Variants in ORC5 observed in about 807,000 individuals in gnomAD.
ORC5 encodes the protein protein phosphatase 1, regulatory subunit 117.
A neutral mutation model predicts 58.8 loss-of-function variants in ORC5; 39 were observed. The ratio of observed to expected loss-of-function variants is 0.66; its 90% CI spans 0.51 to 0.87. The LOEUF is 0.87. Among genes scored for constraint, ORC5 ranks in the 40% least tolerant of loss-of-function variants. ORC5 has a pLI of 0.00. For synonymous variants in ORC5, 218 were observed against 177.6 expected (o/e 1.23, Z -1.81); for missense variants, 493 against 506.3 (o/e 0.97, Z 0.25).
chr7:104,149,709 T>C (rs145282488), intron 12 of ORC5, among the ~76,000 whole-genome samples: 7 of 152,178 alleles, frequency 4.6e-5, no homozygotes, highest in African/African-American at 1.4e-4. Flanking sequence ...TCAAAGAGAA[T>C]AGTACTTCCC....
At chr7:104,184,231 T>C (rs17326187) in intron 6 of ORC5, 60 bp from the exon 7 acceptor site, 184,619 of 1,091,536 alleles carry the variant, frequency 0.17, 17,144 homozygotes, top group South Asian at 0.2. Flanking sequence ...AATTAGAAAT[T>C]TATTTTTCAA....
At chr7:104,205,443 T>C (rs1182109505) in intron 1 of ORC5, among the ~76,000 whole-genome samples, 1 of 152,116 alleles carries the variant, frequency 6.6e-6, no homozygotes, top group African/African-American at 2.4e-5. Context: ...ATTATGCAAT[T>C]TCTATCAGAA....
In ORC5 at chr7:104,197,803, T is replaced by C; in HGVS notation, c.367-4A>G. The C allele has an allele frequency of 6.5e-7, 1 of 1,538,854 alleles. No individual in the cohort carries two copies. Among genetic ancestry groups the C allele is most frequent in the Admixed American group, 2.1e-5 (1 of 47,496 alleles). ...GATACTCTGCTTTATCTAGAACCTTTAAAAAACAAAAAAACAAAACAAAAA... is the reference window on the plus strand; with the variant it reads ...GATACTCTGCTTTATCTAGAACCTTCAAAAAACAAAAAAACAAAACAAAAA... On this transcript the variant is annotated splice_polypyrimidine_tract_variant and splice_region_variant and intron_variant, in intron 3 of 13. Coordinates refer to ENST00000297431, the MANE Select transcript of ORC5 (RefSeq NM_002553.4).
chr7:104,200,705 T>A (rs1047467653), intron 3 of ORC5, 53 bp downstream of exon 3: 9 of 1,124,732 alleles, frequency 8.0e-6, no homozygotes, highest in South Asian at 5.5e-5. Flanking sequence ...ATTGATCTAA[T>A]AAATTATCAG....
intron 8 of ORC5, among the ~76,000 whole-genome samples, chr7:104,175,419 A>C (rs904075417): frequency 1.3e-5 from 2 of 152,178 alleles, no homozygotes; most frequent in Non-Finnish European, 2.9e-5. Flanking sequence ...TCCAGCCAAG[A>C]TAGAAACAAA....
intron 11 of ORC5, among the ~76,000 whole-genome samples, chr7:104,162,302 A>G (rs1273294102): frequency 4.6e-5 from 7 of 152,208 alleles, no homozygotes. Flanking sequence ...CCACCCAAGT[A>G]GCTGGGATTA....
rs1799923129 is a variant in ORC5 at position 104,200,839 on chromosome 7, G to A, written c.285C>T (p.Thr95=). 1 of 1,612,894 alleles carries A rather than the reference G, an allele frequency of 6.2e-7. No homozygotes were observed. The highest frequency in any genetic ancestry group is 8.5e-7 in the Non-Finnish European group (1 of 1,178,954). ...GAACAAAGTCATTAAATGTTTCACA[G>A]GTTATTTCAGTAGAACATCCATCCT... The part of the protein sequence containing the change: ...SSEDGCSTEI[T]CETFNDFVRL... Residue 95 remains threonine (T), a synonymous_variant, in exon 3 of 14, where the codon ACC becomes ACT. Transcript: ENST00000297431.
At position 104,200,889 on chromosome 7, in the gene ORC5, T is replaced by C; in HGVS notation, c.235A>G (p.Lys79Glu). The C allele has an allele frequency of 6.2e-7, 1 of 1,613,780 alleles. No individual in the cohort carries two copies. The highest frequency in any genetic ancestry group is 8.5e-7 in the Non-Finnish European group (1 of 1,179,694). The change falls in exon 3 of 14, where the codon AAA becomes GAA. Residue 79 changes from lysine to glutamate, a missense_variant. Physicochemically the swap from Lys to Glu is moderately conservative, Grantham distance 56. Transcript: ENST00000297431. ...LRLLLEQILN[K>E]LNHLSSSEDG... ...TCTGAAGAACTAAGATGATTCAATT[T>C]GTTTAAAATTTGTTCCAAAAGCAGC...
chr7:104,142,923 AAT>A (rs1798695465), intron 12 of ORC5, among the ~76,000 whole-genome samples: 1 of 152,168 alleles, frequency 6.6e-6, no homozygotes, highest in African/African-American at 2.4e-5. Flanking sequence ...AGACAAATTC[AAT>A]AGCCTTCCCA....
chr7:104,142,863 G>C (rs1431537194), intron 12 of ORC5, among the ~76,000 whole-genome samples: 2 of 152,158 alleles, frequency 1.3e-5, no homozygotes, highest in African/African-American at 2.4e-5. Context: ...GGACAGCCAA[G>C]GGATCCAGGA....
chr7:104,151,056 A>C (rs899093783), intron 12 of ORC5, among the ~76,000 whole-genome samples: 2 of 152,134 alleles, frequency 1.3e-5, no homozygotes, highest in African/African-American at 2.4e-5. Flanking sequence ...AAAACATTTA[A>C]AATTAGTGTG....
intron 5 of ORC5, among the ~76,000 whole-genome samples, chr7:104,192,738 C>T (rs1310209312): frequency 6.6e-6 from 1 of 151,212 alleles, no homozygotes; most frequent in Non-Finnish European, 1.5e-5. Flanking sequence ...AATTAGTACA[C>T]AAGAAAATTA....
At chr7:104,130,872 C>T (rs1251890570) in intron 13 of ORC5, among the ~76,000 whole-genome samples, 3 of 152,174 alleles carry the variant, frequency 2.0e-5, no homozygotes, top group Admixed American at 6.5e-5. Flanking sequence ...TATTAGCCCC[C>T]GACTGGCTTT....
At chr7:104,174,677 T>C (rs772798024) in intron 8 of ORC5, among the ~76,000 whole-genome samples, 14 of 152,288 alleles carry the variant, frequency 9.2e-5, no homozygotes, top group African/African-American at 2.6e-4. Context: ...TCCCAATAGA[T>C]AGAAACGCCT....
Position 104,207,874 on chromosome 7 carries a change from G to C in ORC5, c.31C>G (p.Arg11Gly). 1 of 1,614,134 alleles carries C rather than the reference G, an allele frequency of 6.2e-7. No individual in the cohort carries two copies. Among genetic ancestry groups the C allele is most frequent in the Non-Finnish European group, 8.5e-7 (1 of 1,180,026 alleles). The change falls in exon 1 of 14, where the codon CGC becomes GGC. Residue 11 changes from arginine to glycine, a missense_variant. By Grantham distance (125) the Arg-to-Gly change is moderately radical. Coordinates refer to ENST00000297431, the MANE Select transcript of ORC5 (RefSeq NM_002553.4). MPHLENVVLC[R>G]ESQVSILQSL... ...TGCAAGATGGACACTTGAGACTCGC[G>C]ACAAAGCACCACGTTTTCCAAGTGG...
chr7:104,166,735 T>G (rs1424748337), intron 10 of ORC5, 37 bp downstream of exon 10: 2 of 1,152,618 alleles, frequency 1.7e-6, no homozygotes, highest in Non-Finnish European at 2.6e-6. Flanking sequence ...TCCTGGGATC[T>G]TAAAAAATAA....
chr7:104,144,895 T>G (rs1054562932), intron 12 of ORC5, among the ~76,000 whole-genome samples: 4 of 152,218 alleles, frequency 2.6e-5, no homozygotes, highest in Admixed American at 6.5e-5. Flanking sequence ...TCAGTGTGGA[T>G]CTGACAAAAA....
chr7:104,150,879 G>C (rs926374505), intron 12 of ORC5, among the ~76,000 whole-genome samples: 3 of 152,094 alleles, frequency 2.0e-5, no homozygotes, highest in Non-Finnish European at 4.4e-5. Flanking sequence ...TGCTATGTTA[G>C]TATTATAATA....
chr7:104,173,585 T>C (rs1242244041), intron 8 of ORC5, among the ~76,000 whole-genome samples: 1 of 152,208 alleles, frequency 6.6e-6, no homozygotes, highest in Admixed American at 6.5e-5. Context: ...TGCTTTTTGA[T>C]GGAAGCTCCT....
Sources: gnomAD v4.1 joint callset for allele counts (sites outside exome capture counted in the v4.1 genomes callset) on GRCh38, gnomAD v4.1.1 for gene constraint, MANE v1.5 for transcripts, NCBI Gene and HGNC (gene_info 2026-07-23, HGNC 2026-07-21) for gene names.